Variants in MAGI1 observed in about 807,000 individuals in gnomAD.
The protein encoded by MAGI1 is membrane-associated guanylate kinase, WW and PDZ domain-containing protein 1.
MAGI1 carries 58 observed loss-of-function variants against 139.9 expected under a neutral mutation model. That is an observed-to-expected ratio of 0.41 (90% CI 0.34 to 0.52). MAGI1 has a LOEUF of 0.52. Ranked by LOEUF, MAGI1 falls within the 20% of genes least tolerant of loss-of-function variation. The pLI, the probability that MAGI1 is intolerant of heterozygous loss-of-function variation, is 0.12. For missense variants in MAGI1, 1,874 were observed against 1,901.6 expected, an observed-to-expected ratio of 0.99 and a Z score of 0.27; for synonymous variants, 812 against 737.9, an observed-to-expected ratio of 1.10 and a Z score of -1.63.
At chr3:65,373,855 A>G (rs1216206464) in intron 18 of MAGI1, among the ~76,000 whole-genome samples, 1 of 152,216 alleles carries the variant, frequency 6.6e-6, no homozygotes, top group Non-Finnish European at 1.5e-5. Flanking sequence ...TTTCCTCCAC[A>G]TTTAGTGTGG....
In MAGI1 at chr3:65,400,259, G is replaced by A. The variant is rs115204275; in HGVS notation, c.2199+1180C>T. Among the ~76,000 whole-genome samples the A allele has an allele frequency of 3.2e-3, 494 of 152,226 alleles. 3 individuals are homozygous for A. The highest frequency in any genetic ancestry group is 0.011 in the African/African-American group (476 of 41,548). ...CTGAAGTCAAAGTTCCAATCACCACGGCACTATGCCATCGGAATCACATCA... is the reference window on the plus strand; with the variant it reads ...CTGAAGTCAAAGTTCCAATCACCACAGCACTATGCCATCGGAATCACATCA... On this transcript the variant is annotated intron_variant, in intron 13 of 22. Coordinates refer to ENST00000402939, the MANE Select transcript of MAGI1 (RefSeq NM_001033057.2).
In MAGI1 at chr3:65,477,721, T is replaced by TTTTTTA. The variant is rs1950984587; in HGVS notation, c.757+870_757+871insTAAAAA. Reference sequence around the variant, plus strand: ...ATTATTATTATTATTATTTTTTTTTTTTTATTTATATTTTTTGAGACAGAG... The same window carrying TTTTTTA: ...ATTATTATTATTATTATTTTTTTTTTTTTTTATTTATTTATATTTTTTGAGACAGAG... On this transcript the variant is annotated intron_variant, in intron 4 of 22. Coordinates refer to ENST00000402939, the MANE Select transcript of MAGI1 (RefSeq NM_001033057.2). 4.7e-5 allele frequency among the ~76,000 whole-genome samples: 7 copies of TTTTTTA among 150,186 alleles called. No individual in the cohort carries two copies. The South Asian group carries it at 1.3e-3, about 27-fold the overall frequency.
intron 2 of MAGI1, among the ~76,000 whole-genome samples, chr3:65,544,313 C>G (rs2079398721): frequency 6.6e-6 from 1 of 152,084 alleles, no homozygotes; most frequent in Admixed American, 6.5e-5. Flanking sequence ...TAGGAACATA[C>G]CTGTAGTTGT....
intron 17 of MAGI1, 55 bp downstream of exon 17, chr3:65,379,206 C>A: frequency 1.2e-6 from 2 of 1,605,692 alleles, no homozygotes; most frequent in Non-Finnish European, 1.7e-6. Flanking sequence ...CGCAAGAGAA[C>A]AAAAACTCCC....
At chr3:65,540,882 G>A (rs771955144) in intron 2 of MAGI1, among the ~76,000 whole-genome samples, 6 of 152,218 alleles carry the variant, frequency 3.9e-5, no homozygotes, top group Admixed American at 3.9e-4. Flanking sequence ...CAGATGTGCT[G>A]GGAAGAGCAG....
chr3:65,888,044 G>GA (rs2060600023), intron 1 of MAGI1, among the ~76,000 whole-genome samples: 1 of 152,084 alleles, frequency 6.6e-6, no homozygotes, highest in South Asian at 2.1e-4. Flanking sequence ...ACCAAACTAA[G>GA]ATTTTTTGAG....
rs79762684 is a variant in MAGI1, at chr3:65,897,709, A to T, written c.313+140287T>A. On this transcript the variant is annotated intron_variant, in intron 1 of 22. Coordinates refer to ENST00000402939, the MANE Select transcript of MAGI1 (RefSeq NM_001033057.2). ...ACCTGTCTCCACAAAATTTTTTTTT[A>T]AAATTCAGCCAGGCATGGTGGTGTA... is the stretch of plus-strand genomic sequence containing the variant. Among the ~76,000 whole-genome samples, 82 of 152,112 alleles carry T rather than the reference A, an allele frequency of 5.4e-4. No homozygotes were observed. In the East Asian group the frequency reaches 7.5e-3, roughly 14 times the overall value.
At chr3:65,932,250 G>A (rs2062837633) in intron 1 of MAGI1, among the ~76,000 whole-genome samples, 1 of 152,134 alleles carries the variant, frequency 6.6e-6, no homozygotes, top group African/African-American at 2.4e-5. Context: ...TCTGTTCGAA[G>A]ACTATGGATT....
At chr3:65,721,840 T>C (rs1336701824) in intron 1 of MAGI1, among the ~76,000 whole-genome samples, 2 of 73,348 alleles carry the variant, frequency 2.7e-5, no homozygotes, top group African/African-American at 1.3e-4. Context: ...TTGTTTTTTG[T>C]TTTTTTTTTC....
At chr3:65,616,460 G>C (rs2083375540) in intron 2 of MAGI1, among the ~76,000 whole-genome samples, 1 of 152,180 alleles carries the variant, frequency 6.6e-6, no homozygotes, top group Non-Finnish European at 1.5e-5. Context: ...TGAAGCCAAA[G>C]TTAGAGATGA....
intron 2 of MAGI1, among the ~76,000 whole-genome samples, chr3:65,583,373 C>T (rs1290930541): frequency 1.3e-5 from 2 of 152,164 alleles, no homozygotes; most frequent in East Asian, 3.8e-4. Context: ...CTGAATGAAG[C>T]TATGTTACAG....
At chr3:65,997,468 A>G (rs2066508958) in intron 1 of MAGI1, among the ~76,000 whole-genome samples, 2 of 152,086 alleles carry the variant, frequency 1.3e-5, no homozygotes, top group Non-Finnish European at 2.9e-5. Flanking sequence ...CTTCCTGGCC[A>G]ACATGGTGAA....
At chr3:65,905,945 T>C (rs2061418118) in intron 1 of MAGI1, among the ~76,000 whole-genome samples, 1 of 152,318 alleles carries the variant, frequency 6.6e-6, no homozygotes, top group Non-Finnish European at 1.5e-5. Context: ...CCAAGTGTTT[T>C]TAAAATACCG....
At chr3:65,573,546 TA>T (rs1222309583) in intron 2 of MAGI1, among the ~76,000 whole-genome samples, 5 of 120,752 alleles carry the variant, frequency 4.1e-5, no homozygotes, top group Non-Finnish European at 6.7e-5. Context: ...GATTTAAAAA[TA>T]AAAAAAAAAC....
At chr3:65,790,947 C>T (rs999858333) in intron 1 of MAGI1, among the ~76,000 whole-genome samples, 11 of 152,076 alleles carry the variant, frequency 7.2e-5, no homozygotes, top group Admixed American at 3.3e-4. Context: ...TGGTGGCATG[C>T]GCCTGTAATC....
chr3:65,607,503 G>A (rs1211222235), intron 2 of MAGI1, among the ~76,000 whole-genome samples: 1 of 151,840 alleles, frequency 6.6e-6, no homozygotes, highest in Non-Finnish European at 1.5e-5. Flanking sequence ...ACTGTTCTAG[G>A]CCTCACAACA....
intron 1 of MAGI1, among the ~76,000 whole-genome samples, chr3:65,625,027 C>T (rs780156413): frequency 5.3e-5 from 8 of 152,090 alleles, no homozygotes; most frequent in Non-Finnish European, 1.0e-4. Flanking sequence ...CATCTTCCAC[C>T]ACGCGCAGCG....
chr3:65,951,007 GGAAGGAAGGAAGGAAGGAAGGAAGGA>G (rs2063820172), intron 1 of MAGI1, among the ~76,000 whole-genome samples: 1 of 134,092 alleles, frequency 7.5e-6, no homozygotes, highest in Non-Finnish European at 1.6e-5. Flanking sequence ...AAGGAAGGAA[GGAAGGAAGGAAGGAAGGAAGGAAGGA>G]AGGAAAGGAG....
At chr3:65,470,205 AT>A in intron 5 of MAGI1, 77 bp downstream of exon 5, 2 of 962,426 alleles carry the variant, frequency 2.1e-6, no homozygotes, top group Non-Finnish European at 3.1e-6. Context: ...TGTAATTTAC[AT>A]TGGCAACTGC....
Sources: gnomAD v4.1 joint callset for allele counts (sites outside exome capture counted in the v4.1 genomes callset) on GRCh38, gnomAD v4.1.1 for gene constraint, MANE v1.5 for transcripts, NCBI Gene and HGNC (gene_info 2026-07-23, HGNC 2026-07-21) for gene names.